SORCS3: variants seen among roughly 807,000 people sequenced by gnomAD.
The protein encoded by SORCS3 is VPS10 domain-containing receptor SorCS3.
SORCS3 carries 57 observed loss-of-function variants against 146.3 expected under a neutral mutation model. That is an observed-to-expected ratio of 0.39 (90% CI 0.31 to 0.49). The LOEUF (loss-of-function observed/expected upper bound fraction) is 0.49, where lower values mean the gene tolerates loss of function less well. Among genes scored for constraint, SORCS3 ranks in the 20% least tolerant of loss-of-function variants. The pLI, the probability that SORCS3 is intolerant of heterozygous loss-of-function variation, is 0.92. For synonymous variants in SORCS3, 653 were observed against 618.5 expected (o/e 1.06, Z -0.83); for missense variants, 1,341 against 1,575.5 (o/e 0.85, Z 2.52).
chr10:105,040,961 G>T (rs140750953), intron 4 of SORCS3, among the ~76,000 whole-genome samples: 125 of 147,842 alleles, frequency 8.5e-4, no homozygotes, highest in African/African-American at 2.8e-3. Context: ...AAATGAATAT[G>T]CTAAATATAT....
At chr10:105,005,554 G>A (rs2055089918) in intron 4 of SORCS3, among the ~76,000 whole-genome samples, 1 of 152,100 alleles carries the variant, frequency 6.6e-6, no homozygotes, top group African/African-American at 2.4e-5. Context: ...AGGAATAATA[G>A]CAGGGGTAGA....
intron 1 of SORCS3, among the ~76,000 whole-genome samples, chr10:104,772,054 G>C (rs985432389): frequency 6.6e-6 from 1 of 152,204 alleles, no homozygotes; most frequent in African/African-American, 2.4e-5. Context: ...CTTGTGTTTC[G>C]ATAGGTGGGG....
chr10:104,687,141 TCATCCATGCATC>T (rs1258403771), intron 1 of SORCS3, among the ~76,000 whole-genome samples: 2 of 152,082 alleles, frequency 1.3e-5, no homozygotes, highest in Non-Finnish European at 2.9e-5. Flanking sequence ...ATCCATGCAT[TCATCCATGCATC>T]CATCCATTCC....
intron 4 of SORCS3, among the ~76,000 whole-genome samples, chr10:105,017,166 C>T (rs1290193068): frequency 6.6e-6 from 1 of 151,534 alleles, no homozygotes; most frequent in Non-Finnish European, 1.5e-5. Flanking sequence ...TTGAGGGAAC[C>T]GTCTGCTTCT....
intron 4 of SORCS3, among the ~76,000 whole-genome samples, chr10:105,031,575 C>T (rs2055268078): frequency 6.6e-6 from 1 of 152,178 alleles, no homozygotes. Context: ...TCTGCTGAAA[C>T]ACATCACATT....
At position 105,139,420 on chromosome 10, in the gene SORCS3, C is replaced by G; in HGVS notation, c.1236C>G (p.Ser412Arg). Reference protein sequence around the residue: ...FIQVTTSGRASYYVSYRREAF... With the variant: ...FIQVTTSGRARYYVSYRREAF... ...AGGTAACAACTAGTGGAAGAGCCAG[C>G]TACTACGTGTCTTATCGAAGAGAGG... is the stretch of plus-strand genomic sequence containing the variant. Residue 412 changes from serine (S) to arginine (R), a missense_variant, in exon 8 of 27, where the codon AGC becomes AGG. Ser to Arg is a moderately radical substitution (Grantham distance 110, BLOSUM62 -1). Transcript: ENST00000369701. 6.2e-7 allele frequency: 1 copy of G among 1,613,582 alleles called. No homozygotes were observed. Among genetic ancestry groups the G allele is most frequent in the Non-Finnish European group, 8.5e-7 (1 of 1,179,560 alleles).
intron 2 of SORCS3, among the ~76,000 whole-genome samples, chr10:104,899,582 C>T (rs1387560929): frequency 6.6e-6 from 1 of 152,164 alleles, no homozygotes; most frequent in Non-Finnish European, 1.5e-5. Context: ...AATTGCATGG[C>T]CAATGTTGAT....
chr10:105,096,700 T>C (rs1445076995), intron 6 of SORCS3, among the ~76,000 whole-genome samples: 2 of 152,006 alleles, frequency 1.3e-5, no homozygotes, highest in Admixed American at 6.5e-5. Context: ...TCCAAAGGGA[T>C]GGTAGAAATG....
At chr10:105,109,852 G>C (rs2055847724) in intron 7 of SORCS3, among the ~76,000 whole-genome samples, 1 of 151,710 alleles carries the variant, frequency 6.6e-6, no homozygotes, top group Non-Finnish European at 1.5e-5. Flanking sequence ...TATGCCTTGT[G>C]GTTGGCCATA....
chr10:105,096,221 G>T (rs886485099), intron 6 of SORCS3, among the ~76,000 whole-genome samples: 16 of 152,014 alleles, frequency 1.1e-4, no homozygotes, highest in African/African-American at 2.4e-5. Flanking sequence ...AAAGGTCCTG[G>T]GCATTGGCCT....
intron 1 of SORCS3, among the ~76,000 whole-genome samples, chr10:104,794,622 G>GGAGGGGGAGAGAGAGAGAGAGAGA (rs1481811209): frequency 7.2e-5 from 3 of 41,406 alleles, no homozygotes; most frequent in Admixed American, 2.7e-4. Context: ...AGAGAGGGAG[G>GGAGGGGGAGAGAGAGAGAGAGAGA]GAGAGAGAGA....
chr10:104,990,280 T>A (rs374795854), intron 4 of SORCS3, among the ~76,000 whole-genome samples: 100 of 152,384 alleles, frequency 6.6e-4, no homozygotes, highest in African/African-American at 2.4e-3. Flanking sequence ...AAACTCTAGT[T>A]GCCCACAAAG....
At chr10:105,196,208 G>A (rs2056543261) in intron 14 of SORCS3, among the ~76,000 whole-genome samples, 1 of 152,186 alleles carries the variant, frequency 6.6e-6, no homozygotes, top group African/African-American at 2.4e-5. Context: ...CATGGATGAT[G>A]CTTGCATGCT....
intron 17 of SORCS3, among the ~76,000 whole-genome samples, chr10:105,211,498 T>G (rs1000992624): frequency 6.6e-6 from 1 of 152,200 alleles, no homozygotes; most frequent in African/African-American, 2.4e-5. Flanking sequence ...TAGTTACTGT[T>G]TTGGTTAATC....
chr10:104,858,306 C>G (rs1021677611), intron 2 of SORCS3, among the ~76,000 whole-genome samples: 6 of 152,094 alleles, frequency 3.9e-5, no homozygotes, highest in African/African-American at 1.4e-4. Flanking sequence ...TAATTGAGAT[C>G]CTCTTGTATA....
At chr10:104,976,731 G>T (rs1396592679) in intron 3 of SORCS3, among the ~76,000 whole-genome samples, 3 of 152,166 alleles carry the variant, frequency 2.0e-5, no homozygotes, top group Non-Finnish European at 4.4e-5. Flanking sequence ...TATGCAGCCA[G>T]AAAAATGATG....
chr10:104,927,756 T>A (rs1048306415), intron 3 of SORCS3, among the ~76,000 whole-genome samples: 16 of 151,978 alleles, frequency 1.1e-4, no homozygotes, highest in African/African-American at 3.9e-4. Flanking sequence ...CGGGTGTCTG[T>A]AATCCTAGCT....
intron 7 of SORCS3, among the ~76,000 whole-genome samples, chr10:105,110,499 T>A (rs2055852559): frequency 6.6e-6 from 1 of 152,140 alleles, no homozygotes; most frequent in African/African-American, 2.4e-5. Context: ...ATGCTGTGAG[T>A]TCTTCCCAGA....
intron 1 of SORCS3, among the ~76,000 whole-genome samples, chr10:104,649,012 C>T (rs1413874863): frequency 6.6e-6 from 1 of 152,052 alleles, no homozygotes; most frequent in Non-Finnish European, 1.5e-5. Flanking sequence ...GAGAAAAAAC[C>T]TTCTTTAGGG....
Sources: allele counts gnomAD v4.1 joint callset (sites outside exome capture counted in the v4.1 genomes callset), GRCh38; gene constraint gnomAD v4.1.1; transcripts MANE v1.5; gene names NCBI Gene and HGNC (gene_info 2026-07-23, HGNC 2026-07-21).